PUDP: variants seen among roughly 807,000 people sequenced by gnomAD.
PUDP encodes the protein pseudouridine-5'-phosphatase.
PUDP carries 8 observed loss-of-function variants against 9.4 expected under a neutral mutation model. The ratio of observed to expected loss-of-function variants is 0.85; its 90% CI spans 0.50 to 1.53. The LOEUF (loss-of-function observed/expected upper bound fraction) is 1.53, where lower values mean the gene tolerates loss of function less well. Among genes scored for constraint, PUDP ranks in the 40% most tolerant of loss-of-function variants. PUDP has a pLI of 0.00. For synonymous variants in PUDP, 99 were observed against 80.7 expected (o/e 1.23, Z -1.22); for missense variants, 188 against 189.7 (o/e 0.99, Z 0.05).
intron 2 of PUDP, among the ~76,000 whole-genome samples, chrX:7,095,324 G>A (rs1403913158): frequency 8.9e-6 from 1 of 112,238 alleles, no homozygotes; most frequent in Non-Finnish European, 1.9e-5. Context: ...GCTTCTTAGC[G>A]GCGGCAGGAG....
chrX:6,852,252 C>A (rs181422475), intron 3 of PUDP, among the ~76,000 whole-genome samples: 162 of 112,406 alleles, frequency 1.4e-3, no homozygotes, highest in Non-Finnish European at 2.5e-3. Context: ...TGGTGTCAGG[C>A]AGAATTCACT....
chrX:6,717,637 T>C (rs1309650780), intron 1 of PUDP, among the ~76,000 whole-genome samples: 1 of 111,868 alleles, frequency 8.9e-6, no homozygotes, highest in Non-Finnish European at 1.9e-5. Context: ...CAACAGAACA[T>C]GGCCACAGCA....
intron 1 of PUDP, among the ~76,000 whole-genome samples, chrX:6,716,957 C>G (rs1248346032): frequency 2.7e-5 from 3 of 111,124 alleles, no homozygotes; most frequent in South Asian, 3.8e-4. Context: ...TTTGTAGAGA[C>G]AGGGTCTTGT....
chrX:7,054,854 T>C (rs1316828274), intron 3 of PUDP, among the ~76,000 whole-genome samples: 1 of 111,982 alleles, frequency 8.9e-6, no homozygotes, highest in African/African-American at 3.3e-5. Flanking sequence ...CAAAAGCTGA[T>C]AGAATAGTCA....
chrX:6,794,858 C>T (rs1323170726), intron 3 of PUDP, among the ~76,000 whole-genome samples: 2 of 109,070 alleles, frequency 1.8e-5, no homozygotes, highest in African/African-American at 6.7e-5. Flanking sequence ...CACACCCGAC[C>T]TCTTTCTTTA....
intron 1 of PUDP, among the ~76,000 whole-genome samples, chrX:7,122,495 C>T (rs748188653): frequency 9.0e-6 from 1 of 111,412 alleles, no homozygotes; most frequent in Admixed American, 9.6e-5. Flanking sequence ...AATCTCAGAC[C>T]CTGTAGATGC....
chrX:6,710,956 G>A (rs1016896403), intron 1 of PUDP, among the ~76,000 whole-genome samples: 1 of 111,410 alleles, frequency 9.0e-6, no homozygotes. Flanking sequence ...GGGTTCCATG[G>A]AGAAAGGGGG....
chrX:7,142,996 A>G (rs1932811872), intron 1 of PUDP, among the ~76,000 whole-genome samples: 1 of 111,175 alleles, frequency 9.0e-6, no homozygotes, highest in Non-Finnish European at 1.9e-5. Context: ...GATGTGGCAA[A>G]CTTCATTGCT....
intron 1 of PUDP, among the ~76,000 whole-genome samples, chrX:7,138,297 A>T (rs1932768715): frequency 1.8e-5 from 2 of 111,398 alleles, no homozygotes; most frequent in South Asian, 7.6e-4. Context: ...TTTCACTTTA[A>T]AATAGGCTAA....
At chrX:7,111,336 C>T (rs1467313451) in intron 1 of PUDP, among the ~76,000 whole-genome samples, 1 of 111,611 alleles carries the variant, frequency 9.0e-6, no homozygotes, top group Non-Finnish European at 1.9e-5. Context: ...CATGTTCATA[C>T]AAGACCTAGG....
chrX:6,979,156 C>T (rs1928998184), intron 1 of PUDP, among the ~76,000 whole-genome samples: 2 of 111,560 alleles, frequency 1.8e-5, no homozygotes, highest in African/African-American at 6.5e-5. Flanking sequence ...AGTATGGTAC[C>T]CTCCAAAGTG....
rs932504062 is a variant in PUDP at position 6,982,104 on chromosome X, TAC to T, written c.205-3763_205-3762del. Among the ~76,000 whole-genome samples, 12 of 88,782 alleles carry T rather than the reference TAC, an allele frequency of 1.4e-4. No homozygotes were observed. In the South Asian group the frequency reaches 5.2e-3, roughly 38 times the overall value. The allele number at this position is 88,782 out of a possible 115,157, so 77.1% of individuals were successfully genotyped here. A position where few individuals can be genotyped will look rare whatever the true frequency, so the allele number is the denominator to read the frequency against. ...ATGATAACTTATGGAGACACACACA[TAC>T]ACACACACACACAAATACACACACA... On this transcript the variant is annotated intron_variant and NMD_transcript_variant, in intron 1 of 3. Transcript: ENST00000655425.
chrX:7,113,590 T>A (rs1352358073), intron 1 of PUDP, among the ~76,000 whole-genome samples: 2 of 112,582 alleles, frequency 1.8e-5, no homozygotes, highest in Non-Finnish European at 3.8e-5. Flanking sequence ...TGAAGTTGCT[T>A]TAATTAAAAA....
intron 1 of PUDP, among the ~76,000 whole-genome samples, chrX:7,002,388 T>C (rs1196214365): frequency 8.9e-6 from 1 of 112,178 alleles, no homozygotes; most frequent in Admixed American, 9.4e-5. Flanking sequence ...TGGAGGACTC[T>C]AAAACTTGCT....
intron 3 of PUDP, among the ~76,000 whole-genome samples, chrX:6,930,773 C>G (rs1186517563): frequency 3.6e-5 from 4 of 110,849 alleles, no homozygotes; most frequent in Non-Finnish European, 7.5e-5. Context: ...CTCTTGGGGT[C>G]TGAATTGGGA....
intron 3 of PUDP, among the ~76,000 whole-genome samples, chrX:6,873,028 A>G (rs1378793350): frequency 9.3e-6 from 1 of 107,483 alleles, no homozygotes; most frequent in Non-Finnish European, 1.9e-5. Flanking sequence ...CAAACATTCT[A>G]AGTTCATAAG....
chrX:6,763,209 C>T (rs1027993828), intron 3 of PUDP, among the ~76,000 whole-genome samples: 1 of 111,771 alleles, frequency 8.9e-6, no homozygotes, highest in Non-Finnish European at 1.9e-5. Flanking sequence ...GCCAACATGG[C>T]GAAACTCCGT....
chrX:7,114,962 T>A (rs1311252696), intron 1 of PUDP, among the ~76,000 whole-genome samples: 1 of 112,265 alleles, frequency 8.9e-6, no homozygotes, highest in Non-Finnish European at 1.9e-5. Context: ...GTTAATGTGT[T>A]TGTAATGAAA....
intron 1 of PUDP, among the ~76,000 whole-genome samples, chrX:6,999,577 A>G (rs1929296881): frequency 9.0e-6 from 1 of 111,272 alleles, no homozygotes; most frequent in Non-Finnish European, 1.9e-5. Flanking sequence ...ATTTTTTCCC[A>G]TATGCACTAG....
Sources: gnomAD v4.1 joint callset for allele counts (sites outside exome capture counted in the v4.1 genomes callset) on GRCh38, gnomAD v4.1.1 for gene constraint, MANE v1.5 for transcripts, NCBI Gene and HGNC (gene_info 2026-07-23, HGNC 2026-07-21) for gene names.